STAB2: variants seen among roughly 807,000 people sequenced by gnomAD.
The protein encoded by STAB2 is stabilin-2.
STAB2 carries 288 observed loss-of-function variants against 338.1 expected under a neutral mutation model. The ratio of observed to expected loss-of-function variants is 0.85; its 90% confidence interval spans 0.77 to 0.94. STAB2 has a LOEUF of 0.94. Ranked by LOEUF, STAB2 falls within the 40% of genes least tolerant of loss-of-function variation. The pLI is 0.00. For synonymous variants in STAB2, 1,202 were observed against 1,193.3 expected, an observed-to-expected ratio of 1.01 and a Z score of -0.15; for missense variants, 3,141 against 3,210.1, an observed-to-expected ratio of 0.98 and a Z score of 0.52.
At chr12:103,753,811 C>T (rs4981023) in intron 61 of STAB2, among the ~76,000 whole-genome samples, 41,424 of 152,082 alleles carry the variant, frequency 0.27, 6,049 homozygotes, top group Middle Eastern at 0.34. Flanking sequence ...GACAGCAATA[C>T]CCACGAGCCT....
At chr12:103,744,066 C>T (rs899498912) in intron 56 of STAB2, among the ~76,000 whole-genome samples, 1 of 152,086 alleles carries the variant, frequency 6.6e-6, no homozygotes, top group Non-Finnish European at 1.5e-5. Context: ...ACAACCCAGG[C>T]CAGCGCTAAT....
chr12:103,735,439 C>A, intron 51 of STAB2, 52 bp from the exon 52 acceptor site: 1 of 1,408,764 alleles, frequency 7.1e-7, no homozygotes, highest in African/African-American at 1.4e-5. Flanking sequence ...TTCGGGCCGT[C>A]CCTTCTTCGG....
At chr12:103,707,247 C>T (rs1879449285) in intron 38 of STAB2, among the ~76,000 whole-genome samples, 1 of 152,218 alleles carries the variant, frequency 6.6e-6, no homozygotes, top group Non-Finnish European at 1.5e-5. Flanking sequence ...AGCCCAAATG[C>T]GTTTTTATAT....
chr12:103,759,070 A>G, intron 64 of STAB2, 63 bp from the exon 65 acceptor site: 3 of 1,613,278 alleles, frequency 1.9e-6, no homozygotes, highest in Non-Finnish European at 2.5e-6. Flanking sequence ...CATCCCCATC[A>G]TTAAAAAGAC....
intron 58 of STAB2, among the ~76,000 whole-genome samples, chr12:103,746,905 GT>G (rs1409500988): frequency 6.9e-6 from 1 of 145,494 alleles, no homozygotes; most frequent in Non-Finnish European, 1.5e-5. Flanking sequence ...TTTCAAAATT[GT>G]TTTGCAAACT....
chr12:103,758,101 CCTT>C, intron 63 of STAB2, 66 bp from the exon 64 acceptor site: 5 of 1,602,416 alleles, frequency 3.1e-6, no homozygotes, highest in South Asian at 1.1e-5. Context: ...TGCCCTGGGA[CCTT>C]CTTCAGCCAC....
At chr12:103,679,743 G>C (rs1046948469) in intron 25 of STAB2, among the ~76,000 whole-genome samples, 1 of 152,128 alleles carries the variant, frequency 6.6e-6, no homozygotes, top group African/African-American at 2.4e-5. Flanking sequence ...ATTAAAAATG[G>C]AATAAGCATA....
chr12:103,658,241 T>C (rs531033076), intron 15 of STAB2, among the ~76,000 whole-genome samples: 4 of 152,288 alleles, frequency 2.6e-5, no homozygotes, highest in African/African-American at 9.6e-5. Flanking sequence ...TTGGTTTTGT[T>C]TGATTTTGTT....
chr12:103,654,639 C>G lies in STAB2; in HGVS notation c.1492C>G (p.Leu498Val), dbSNP rs770933397. The G allele has an allele frequency of 6.2e-7, 1 of 1,614,216 alleles. No homozygotes were observed. The highest frequency in any genetic ancestry group is 1.7e-5 in the Admixed American group (1 of 60,030). The change falls in exon 13 of 69, where the codon CTG (leucine) becomes GTG (valine). Residue 498 changes from leucine to valine, a missense_variant. Physicochemically the swap from Leu to Val is conservative, Grantham distance 32. Coordinates refer to ENST00000388887, the MANE Select transcript of STAB2 (RefSeq NM_017564.10). ...GGACATCATTGCTTCCAATGGGCTT[C>G]TGCACATCCTTGACAGAGCCATGGA... ...QGDIIASNGL[L>V]HILDRAMDKL...
chr12:103,650,073 T>C (rs946609989), intron 10 of STAB2, among the ~76,000 whole-genome samples: 2 of 152,170 alleles, frequency 1.3e-5, no homozygotes, highest in South Asian at 2.1e-4. Flanking sequence ...CATTTCAACA[T>C]GGCAACTGCA....
intron 18 of STAB2, among the ~76,000 whole-genome samples, chr12:103,666,046 G>A (rs1875063547): frequency 6.6e-6 from 1 of 152,194 alleles, no homozygotes; most frequent in Non-Finnish European, 1.5e-5. Flanking sequence ...AGTAAAAAAG[G>A]GGGCTGCTCT....
chr12:103,763,821 T>C, intron 68 of STAB2: 1 of 470,856 alleles, frequency 2.1e-6, no homozygotes, highest in Non-Finnish European at 3.8e-6. Context: ...GCAGAATCCT[T>C]GAACAAACAG....
chr12:103,699,235 C>T lies in STAB2; in HGVS notation c.3714+8C>T. 2 of 1,606,372 alleles carry T rather than the reference C, an allele frequency of 1.2e-6. No individual in the cohort carries two copies. Among genetic ancestry groups the T allele is most frequent in the Non-Finnish European group, 1.7e-6 (2 of 1,174,082 alleles). On this transcript the variant is annotated splice_region_variant and intron_variant, in intron 34 of 68. Transcript: ENST00000388887. ...TTTCTCCATAATGACCAGGTACGAT[C>T]CTTTTATGTAAAACCCCAGCAATGC... is the stretch of plus-strand genomic sequence containing the variant.
At chr12:103,698,860 A>G (rs1011067044) in intron 33 of STAB2, among the ~76,000 whole-genome samples, 1 of 152,180 alleles carries the variant, frequency 6.6e-6, no homozygotes, top group Non-Finnish European at 1.5e-5. Context: ...TCTGGGTTTT[A>G]GAATCCTCTA....
Position 103,706,993 on chromosome 12 carries a change from C to CA in STAB2, c.4192+7dup, listed in dbSNP as rs1258975254. The CA allele has an allele frequency of 6.2e-7, 1 of 1,613,660 alleles. No homozygotes were observed. Among genetic ancestry groups the CA allele is most frequent in the East Asian group, 2.2e-5 (1 of 44,896 alleles). Reference sequence around the variant, plus strand: ...CGGCATCCACTGTGACCAAGGTGAGCACCGTCCTCTCCACAGAGGATCTTG... The same window carrying CA: ...CGGCATCCACTGTGACCAAGGTGAGCAACCGTCCTCTCCACAGAGGATCTTG... On this transcript the variant is annotated splice_region_variant and intron_variant, in intron 38 of 68. Transcript: ENST00000388887.
At chr12:103,735,433 G>C in intron 51 of STAB2, 58 bp from the exon 52 acceptor site, 1 of 1,341,076 alleles carries the variant, frequency 7.5e-7, no homozygotes, top group Non-Finnish European at 1.0e-6. Context: ...AGCTCCTTCG[G>C]GCCGTCCCTT....
In STAB2 at chr12:103,725,012, A is replaced by T; in HGVS notation, c.4721A>T (p.His1574Leu). 1.2e-6 allele frequency: 2 copies of T among 1,614,134 alleles called. No homozygotes were observed. Among genetic ancestry groups the T allele is most frequent in the Non-Finnish European group, 1.7e-6 (2 of 1,179,948 alleles). Residue 1574 changes from histidine (H) to leucine (L), a missense_variant, in exon 45 of 69, where the codon CAC (histidine) becomes CTC (leucine). By Grantham distance (99) the His-to-Leu change is moderately conservative. Coordinates refer to ENST00000388887, the MANE Select transcript of STAB2 (RefSeq NM_017564.10). The part of the protein sequence containing the change: ...GGCSEFAICN[H>L]TGQVERTCTC... ...TGTAGTGAATTTGCCATCTGCAACC[A>T]CACTGGGCAAGTAGAAAGGACTTGT...
At chr12:103,723,523 C>T (rs1282871214) in intron 44 of STAB2, among the ~76,000 whole-genome samples, 1 of 152,208 alleles carries the variant, frequency 6.6e-6, no homozygotes, top group Admixed American at 6.5e-5. Flanking sequence ...TGGGTGGGAA[C>T]ACAGGCAAAC....
Position 103,745,188 on chromosome 12 carries a change from A to G in STAB2, c.6047A>G (p.Asp2016Gly), listed in dbSNP as rs200731838. ...GPDCLPCGCS[D>G]HGQCDDGITG... ...TTGTTTACAGCCTGTGGCTGCTCAG[A>G]CCACGGACAGTGCGATGATGGCATC... Residue 2016 changes from aspartate to glycine, a missense_variant, in exon 57 of 69, where the codon GAC (aspartate) becomes GGC (glycine). Coordinates refer to ENST00000388887, the MANE Select transcript of STAB2 (RefSeq NM_017564.10). 10 of 1,613,952 alleles carry G rather than the reference A, an allele frequency of 6.2e-6. No homozygotes were observed. The highest frequency in any genetic ancestry group is 7.6e-6 in the Non-Finnish European group (9 of 1,179,938).
Sources: allele counts gnomAD v4.1 joint callset (sites outside exome capture counted in the v4.1 genomes callset), GRCh38; gene constraint gnomAD v4.1.1; transcripts MANE v1.5; gene names NCBI Gene and HGNC (gene_info 2026-07-23, HGNC 2026-07-21).